PLEKHF2: variants seen among roughly 807,000 people sequenced by gnomAD.
PLEKHF2 encodes the protein pleckstrin homology and FYVE domain containing 2.
PLEKHF2 carries 4 observed loss-of-function variants against 14.7 expected under a neutral mutation model. That is an observed-to-expected ratio of 0.27 (90% CI 0.13 to 0.62). PLEKHF2 has a LOEUF of 0.62. PLEKHF2 is among the 20% of genes least tolerant of loss of function. The pLI, the probability that PLEKHF2 is intolerant of heterozygous loss-of-function variation, is 0.85. For missense variants in PLEKHF2, 201 were observed against 307.7 expected (o/e 0.65, Z 2.60); for synonymous variants, 90 against 103.5 (o/e 0.87, Z 0.79).
At chr8:95,144,036 T>G (rs908073493) in intron 1 of PLEKHF2, among the ~76,000 whole-genome samples, 3 of 151,808 alleles carry the variant, frequency 2.0e-5, no homozygotes, top group Non-Finnish European at 4.4e-5. Flanking sequence ...ATTTTTTTTT[T>G]CTTTTTCTTT....
At chr8:95,137,292 A>G (rs1407941353) in intron 1 of PLEKHF2, among the ~76,000 whole-genome samples, 1 of 152,206 alleles carries the variant, frequency 6.6e-6, no homozygotes, top group Non-Finnish European at 1.5e-5. Context: ...AAATGAACAG[A>G]GTGGCAGTGA....
chr8:95,149,406 C>T (rs1810534478), intron 1 of PLEKHF2, among the ~76,000 whole-genome samples: 1 of 152,138 alleles, frequency 6.6e-6, no homozygotes, highest in African/African-American at 2.4e-5. Context: ...TTCCACTGGC[C>T]TCTAAGCTCT....
chr8:95,153,691 A>G (rs1169069032), intron 1 of PLEKHF2, among the ~76,000 whole-genome samples: 1 of 152,202 alleles, frequency 6.6e-6, no homozygotes, highest in Admixed American at 6.5e-5. Context: ...CATTGAGATT[A>G]CATTTCATTG....
chr8:95,149,263 A>G (rs1810533244), intron 1 of PLEKHF2, among the ~76,000 whole-genome samples: 1 of 152,110 alleles, frequency 6.6e-6, no homozygotes, highest in South Asian at 2.1e-4. Flanking sequence ...TCAGTTTATA[A>G]TACTACCTCA....
chr8:95,145,463 GGAGTGTT>G (rs1221101506), intron 1 of PLEKHF2, among the ~76,000 whole-genome samples: 2 of 150,316 alleles, frequency 1.3e-5, no homozygotes, highest in Non-Finnish European at 3.0e-5. Flanking sequence ...TCTTTGAGAT[GGAGTGTT>G]GCTCTGTCAC....
At chr8:95,142,571 C>G (rs1332073550) in intron 1 of PLEKHF2, among the ~76,000 whole-genome samples, 3 of 152,126 alleles carry the variant, frequency 2.0e-5, no homozygotes, top group African/African-American at 7.2e-5. Context: ...TAGATATTAT[C>G]CAATGCTTTC....
intron 1 of PLEKHF2, among the ~76,000 whole-genome samples, chr8:95,142,130 G>A (rs900160859): frequency 2.6e-5 from 4 of 152,154 alleles, no homozygotes; most frequent in Admixed American, 2.6e-4. Context: ...CTTGAATGTA[G>A]TGAGCAGGTT....
intron 1 of PLEKHF2, among the ~76,000 whole-genome samples, chr8:95,147,130 G>C (rs1810507703): frequency 6.6e-6 from 1 of 152,002 alleles, no homozygotes; most frequent in Non-Finnish European, 1.5e-5. Context: ...GTAATTTATG[G>C]ATATAATGTA....
intron 1 of PLEKHF2, among the ~76,000 whole-genome samples, chr8:95,135,366 G>GATTGTCAAT (rs1274352958): frequency 6.6e-6 from 1 of 152,092 alleles, no homozygotes; most frequent in Non-Finnish European, 1.5e-5. Flanking sequence ...GCTCATATTT[G>GATTGTCAAT]ATTGTCAATT....
At chr8:95,142,820 T>G (rs1810453036) in intron 1 of PLEKHF2, among the ~76,000 whole-genome samples, 1 of 152,224 alleles carries the variant, frequency 6.6e-6, no homozygotes, top group Non-Finnish European at 1.5e-5. Context: ...AATTACATAC[T>G]GTACTTAAAT....
chr8:95,138,848 T>C (rs1810407643), intron 1 of PLEKHF2, among the ~76,000 whole-genome samples: 1 of 152,238 alleles, frequency 6.6e-6, no homozygotes, highest in African/African-American at 2.4e-5. Flanking sequence ...CCAGCTTTTC[T>C]ATATTATAGA....
chr8:95,139,153 A>G (rs1417141103), intron 1 of PLEKHF2, among the ~76,000 whole-genome samples: 10 of 151,886 alleles, frequency 6.6e-5, no homozygotes, highest in African/African-American at 2.4e-4. Flanking sequence ...TTTGTTTCTT[A>G]TTTTTCTGTT....
chr8:95,145,780 T>A (rs1378114163), intron 1 of PLEKHF2, among the ~76,000 whole-genome samples: 2 of 152,210 alleles, frequency 1.3e-5, no homozygotes, highest in African/African-American at 4.8e-5. Context: ...TTACCAAGAA[T>A]TCCCTGATTA....
chr8:95,151,722 G>A (rs1185108654), intron 1 of PLEKHF2, among the ~76,000 whole-genome samples: 2 of 151,548 alleles, frequency 1.3e-5, no homozygotes, highest in African/African-American at 4.8e-5. Context: ...AAGTATGATC[G>A]CCTGTGGTGT....
chr8:95,154,262 A>G lies in PLEKHF2; in HGVS notation c.218A>G (p.Lys73Arg). 6.2e-7 allele frequency: 1 copy of G among 1,613,898 alleles called. No individual in the cohort carries two copies. Among genetic ancestry groups the G allele is most frequent in the East Asian group, 2.2e-5 (1 of 44,880 alleles). The change falls in exon 2 of 2, where the codon AAA (lysine) becomes AGA (arginine). Residue 73 changes from lysine to arginine, a missense_variant. Coordinates refer to ENST00000315367, the MANE Select transcript of PLEKHF2 (RefSeq NM_024613.4). This position sits in a 1 kb window ranked among gnomAD's most constrained non-coding sequence, Gnocchi z 5.6. ...GGCAATATTGTCATCCAGAAGAAAA[A>G]ATATAACAAACAACATATTATTCCC... ...VYGNIVIQKKKYNKQHIIPLE... is the reference protein window; with the variant it reads ...VYGNIVIQKKRYNKQHIIPLE...
intron 1 of PLEKHF2, among the ~76,000 whole-genome samples, chr8:95,138,581 A>G (rs1008019138): frequency 6.6e-6 from 1 of 152,082 alleles, no homozygotes; most frequent in Non-Finnish European, 1.5e-5. Flanking sequence ...GAATGTGTTC[A>G]TTATAAGATA....
intron 1 of PLEKHF2, among the ~76,000 whole-genome samples, chr8:95,139,329 CA>C (rs1006770851): frequency 2.1e-4 from 32 of 152,060 alleles, no homozygotes; most frequent in African/African-American, 7.5e-4. Context: ...GGCAACATGG[CA>C]AAACCCCGTC....
At chr8:95,146,193 A>G (rs1214907874) in intron 1 of PLEKHF2, among the ~76,000 whole-genome samples, 1 of 151,536 alleles carries the variant, frequency 6.6e-6, no homozygotes, top group Non-Finnish European at 1.5e-5. Context: ...AGGGCTTTAA[A>G]AATTATTTAT....
At chr8:95,148,191 C>T (rs1189248517) in intron 1 of PLEKHF2, among the ~76,000 whole-genome samples, 1 of 149,992 alleles carries the variant, frequency 6.7e-6, no homozygotes, top group Non-Finnish European at 1.5e-5. Flanking sequence ...ATAAAGCTTT[C>T]TCTTAAAGTT....
Sources: gnomAD v4.1 joint callset for allele counts (sites outside exome capture counted in the v4.1 genomes callset) on GRCh38, gnomAD v4.1.1 for gene constraint, Gnocchi (gnomAD v3.1) non-coding constraint, MANE v1.5 for transcripts, NCBI Gene and HGNC (gene_info 2026-07-23, HGNC 2026-07-21) for gene names.